HS6ST3: variants seen among roughly 807,000 people sequenced by gnomAD.
HS6ST3 encodes the protein heparan sulfate 6-O-sulfotransferase 3.
Under a neutral mutation model 36.7 loss-of-function variants are expected in HS6ST3, and 12 were observed. The ratio of observed to expected loss-of-function variants is 0.33; its 90% CI spans 0.21 to 0.53. HS6ST3 has a LOEUF of 0.53. Ranked by LOEUF, HS6ST3 falls within the 20% of genes least tolerant of loss-of-function variation. The pLI is 0.95. For missense variants in HS6ST3, 584 were observed against 640.9 expected (o/e 0.91, Z 0.96); for synonymous variants, 240 against 257.5 (o/e 0.93, Z 0.65).
At chr13:96,741,675 C>T (rs1178944975) in intron 1 of HS6ST3, among the ~76,000 whole-genome samples, 1 of 152,160 alleles carries the variant, frequency 6.6e-6, no homozygotes, top group Non-Finnish European at 1.5e-5. Context: ...TACCCTGTGA[C>T]TTTAATACAC....
intron 1 of HS6ST3, among the ~76,000 whole-genome samples, chr13:96,184,118 T>C (rs147513717): frequency 0.01 from 1,579 of 150,796 alleles, 30 homozygotes; most frequent in African/African-American, 0.037. Flanking sequence ...GGAGAATCGT[T>C]TGAACCTGGC....
chr13:96,304,703 CTTTCTTTCTT>C lies in HS6ST3; in HGVS notation c.707+213138_707+213147del, dbSNP rs1338202436. 7.6e-4 allele frequency among the ~76,000 whole-genome samples: 71 copies of C among 93,604 alleles called. 1 individual carries two copies. The highest frequency in any genetic ancestry group is 3.4e-3 in the African/African-American group (68 of 19,738). 61.4% of individuals were successfully genotyped at this position (93,604 alleles called of 152,430 possible). A position where few individuals can be genotyped will look rare whatever the true frequency, so the allele number is the denominator to read the frequency against. On this transcript the variant is annotated intron_variant, in intron 1 of 1. Coordinates refer to ENST00000376705, the MANE Select transcript of HS6ST3 (RefSeq NM_153456.4). ...TTTTTCTTTCTTTCTTTCTTTCTTT[CTTTCTTTCTT>C]TTTTTTTTTTTTTTTTTTACAGAAT...
intron 1 of HS6ST3, among the ~76,000 whole-genome samples, chr13:96,629,418 G>A (rs1414962886): frequency 1.3e-5 from 2 of 152,124 alleles, no homozygotes; most frequent in Non-Finnish European, 2.9e-5. Flanking sequence ...AGAATTTCAT[G>A]TGAGGAGAGT....
chr13:96,209,973 G>T (rs931811243), intron 1 of HS6ST3, among the ~76,000 whole-genome samples: 1 of 152,166 alleles, frequency 6.6e-6, no homozygotes, highest in African/African-American at 2.4e-5. Context: ...TCCCCAAGCA[G>T]ATTGTAATTC....
intron 1 of HS6ST3, among the ~76,000 whole-genome samples, chr13:96,790,636 CTATT>C (rs1877764921): frequency 6.6e-6 from 1 of 152,042 alleles, no homozygotes; most frequent in Admixed American, 6.6e-5. Context: ...GATTTTCCAT[CTATT>C]TATTTATTTC....
At chr13:96,733,310 T>C (rs1158813535) in intron 1 of HS6ST3, among the ~76,000 whole-genome samples, 2 of 152,222 alleles carry the variant, frequency 1.3e-5, no homozygotes, top group Admixed American at 6.5e-5. Flanking sequence ...ATTCCTTCAA[T>C]ATGTAATTTG....
intron 1 of HS6ST3, among the ~76,000 whole-genome samples, chr13:96,601,485 A>G (rs1025352493): frequency 6.6e-6 from 1 of 151,954 alleles, no homozygotes; most frequent in Non-Finnish European, 1.5e-5. Flanking sequence ...ATTTTCTTTT[A>G]TAAATATCTT....
At chr13:96,247,171 C>T (rs1408611415) in intron 1 of HS6ST3, among the ~76,000 whole-genome samples, 3 of 152,010 alleles carry the variant, frequency 2.0e-5, no homozygotes, top group East Asian at 1.9e-4. Flanking sequence ...TAACTTTCCT[C>T]TCCCATCCTG....
chr13:96,605,020 A>C (rs2056434086), intron 1 of HS6ST3, among the ~76,000 whole-genome samples: 1 of 152,142 alleles, frequency 6.6e-6, no homozygotes, highest in African/African-American at 2.4e-5. Flanking sequence ...AAGGGGCTTT[A>C]AAATATTCCA....
At chr13:96,440,493 A>AGAAAGGAAAG (rs544712773) in intron 1 of HS6ST3, among the ~76,000 whole-genome samples, 99 of 72,182 alleles carry the variant, frequency 1.4e-3, no homozygotes, top group African/African-American at 2.3e-3. Flanking sequence ...AGGGGAGAGG[A>AGAAAGGAAAG]GAAAGGAAAG....
chr13:96,634,289 GC>G (rs1186020647), intron 1 of HS6ST3, among the ~76,000 whole-genome samples: 1 of 152,208 alleles, frequency 6.6e-6, no homozygotes, highest in Non-Finnish European at 1.5e-5. Flanking sequence ...CTCAGTGCTT[GC>G]CCCATCTGTC....
intron 1 of HS6ST3, among the ~76,000 whole-genome samples, chr13:96,233,112 A>C (rs2054516204): frequency 6.6e-6 from 1 of 152,224 alleles, no homozygotes; most frequent in Non-Finnish European, 1.5e-5. Flanking sequence ...ATTTTGTGTA[A>C]ATAATATGTT....
At chr13:96,765,632 TTCTGTC>T (rs143395633) in intron 1 of HS6ST3, among the ~76,000 whole-genome samples, 1 of 137,814 alleles carries the variant, frequency 7.3e-6, no homozygotes, top group African/African-American at 2.7e-5. Flanking sequence ...CTCTCTCTGT[TTCTGTC>T]TCTGTCTCTC....
intron 1 of HS6ST3, among the ~76,000 whole-genome samples, chr13:96,472,703 C>A (rs9513151): frequency 0.15 from 23,523 of 151,988 alleles, 1,879 homozygotes; most frequent in Middle Eastern, 0.24. Context: ...TCTAACACAG[C>A]ACCTGGCACT....
At chr13:96,811,925 A>G (rs1407287658) in intron 1 of HS6ST3, among the ~76,000 whole-genome samples, 1 of 152,182 alleles carries the variant, frequency 6.6e-6, no homozygotes, top group Non-Finnish European at 1.5e-5. Flanking sequence ...TTGACCAAAG[A>G]ATGGATGTGC....
chr13:96,289,869 A>T (rs1381329779), intron 1 of HS6ST3, among the ~76,000 whole-genome samples: 2 of 152,112 alleles, frequency 1.3e-5, no homozygotes, highest in Non-Finnish European at 2.9e-5. Flanking sequence ...CAGGTTAGCG[A>T]GTGTGAGGAT....
intron 1 of HS6ST3, among the ~76,000 whole-genome samples, chr13:96,709,805 A>C (rs552582131): frequency 6.6e-6 from 1 of 152,366 alleles, no homozygotes; most frequent in East Asian, 1.9e-4. Context: ...ATGAACAATC[A>C]GTAAATGTCA....
intron 1 of HS6ST3, among the ~76,000 whole-genome samples, chr13:96,623,122 G>A (rs1193654176): frequency 6.6e-6 from 1 of 151,934 alleles, no homozygotes; most frequent in Admixed American, 6.6e-5. Flanking sequence ...TGGTAATTTT[G>A]CATCATAAAC....
intron 1 of HS6ST3, among the ~76,000 whole-genome samples, chr13:96,465,065 T>TA (rs2055805612): frequency 6.6e-6 from 1 of 151,468 alleles, no homozygotes; most frequent in Non-Finnish European, 1.5e-5. Context: ...TAAGTAGGCA[T>TA]ACTCACCATG....
Sources: allele counts gnomAD v4.1 joint callset (sites outside exome capture counted in the v4.1 genomes callset), GRCh38; gene constraint gnomAD v4.1.1; transcripts MANE v1.5; gene names NCBI Gene and HGNC (gene_info 2026-07-23, HGNC 2026-07-21).